The following SHISA6 variants were observed in gnomAD, a reference collection of about 807,000 sequenced individuals.
SHISA6 encodes shisa family member 6, also known as protein shisa-6.
SHISA6 carries 22 observed loss-of-function variants against 47.9 expected under a neutral mutation model. That is an observed-to-expected ratio of 0.46 (90% CI 0.33 to 0.66). The LOEUF is 0.66. Ranked by LOEUF, SHISA6 falls within the 30% of genes least tolerant of loss-of-function variation. The pLI is 0.02. For missense variants in SHISA6, 680 were observed against 764.6 expected, an observed-to-expected ratio of 0.89 and a Z score of 1.30; for synonymous variants, 388 against 337.8, an observed-to-expected ratio of 1.15 and a Z score of -1.63.
At chr17:11,515,602 G>A (rs1196493557) in intron 3 of SHISA6, among the ~76,000 whole-genome samples, 2 of 152,126 alleles carry the variant, frequency 1.3e-5, no homozygotes, top group Admixed American at 6.5e-5. Context: ...GTGATCCTAC[G>A]AAGAGCTCTG....
intron 2 of SHISA6, among the ~76,000 whole-genome samples, chr17:11,302,181 C>T (rs1296071264): frequency 6.6e-6 from 1 of 152,136 alleles, no homozygotes; most frequent in African/African-American, 2.4e-5. Context: ...GGTGGGGGCA[C>T]AGCCAAACCA....
chr17:11,483,695 C>G (rs1916275628), intron 3 of SHISA6, among the ~76,000 whole-genome samples: 1 of 152,114 alleles, frequency 6.6e-6, no homozygotes, highest in Non-Finnish European at 1.5e-5. Context: ...CATCAGAATA[C>G]TTCTGTAATA....
chr17:11,483,799 A>G (rs1473172), intron 3 of SHISA6, among the ~76,000 whole-genome samples: 1 of 151,954 alleles, frequency 6.6e-6, no homozygotes, highest in African/African-American at 2.4e-5. Context: ...CTATAAAAAA[A>G]TTAAAAATTT....
At chr17:11,496,477 C>T (rs539846056) in intron 3 of SHISA6, among the ~76,000 whole-genome samples, 48 of 152,236 alleles carry the variant, frequency 3.2e-4, no homozygotes, top group African/African-American at 1.1e-3. Context: ...CGGTGGCTCA[C>T]GCCTGTAATC....
intron 2 of SHISA6, among the ~76,000 whole-genome samples, chr17:11,371,468 CTG>C (rs1337646824): frequency 6.6e-6 from 1 of 152,102 alleles, no homozygotes; most frequent in Non-Finnish European, 1.5e-5. Flanking sequence ...AAGAGGAAAA[CTG>C]TGGTCTTAAT....
At chr17:11,300,852 TG>T (rs1211013047) in intron 2 of SHISA6, among the ~76,000 whole-genome samples, 1 of 151,978 alleles carries the variant, frequency 6.6e-6, no homozygotes, top group Non-Finnish European at 1.5e-5. Flanking sequence ...GTGGAGCACA[TG>T]GGGGAACACA....
chr17:11,301,765 A>G (rs1324129973), intron 2 of SHISA6, among the ~76,000 whole-genome samples: 7 of 152,184 alleles, frequency 4.6e-5, no homozygotes, highest in Admixed American at 4.6e-4. Flanking sequence ...GACTCCTTCA[A>G]GGAGAGATTT....
intron 3 of SHISA6, among the ~76,000 whole-genome samples, chr17:11,490,525 T>G (rs188319338): frequency 1.3e-5 from 2 of 152,032 alleles, no homozygotes; most frequent in Admixed American, 6.5e-5. Context: ...GATTTTAATG[T>G]GAGTCTAATT....
At chr17:11,409,455 G>C (rs1315134421) in intron 3 of SHISA6, among the ~76,000 whole-genome samples, 1 of 152,046 alleles carries the variant, frequency 6.6e-6, no homozygotes, top group Admixed American at 6.6e-5. Context: ...GGTGGCTCAC[G>C]CCTGTAATCC....
intron 1 of SHISA6, among the ~76,000 whole-genome samples, chr17:11,259,573 C>T (rs192066615): frequency 2.6e-5 from 4 of 152,186 alleles, no homozygotes; most frequent in East Asian, 1.9e-4. Flanking sequence ...GGTGGTAACA[C>T]GTTAAAATGT....
At chr17:11,495,256 CTT>C (rs1209064435) in intron 3 of SHISA6, among the ~76,000 whole-genome samples, 5 of 152,182 alleles carry the variant, frequency 3.3e-5, no homozygotes, top group Admixed American at 6.5e-5. Flanking sequence ...TGCTGTGTGA[CTT>C]TGGGCAAGCT....
intron 2 of SHISA6, among the ~76,000 whole-genome samples, chr17:11,331,651 G>T (rs1911118723): frequency 6.6e-6 from 1 of 151,848 alleles, no homozygotes; most frequent in Non-Finnish European, 1.5e-5. Context: ...CACTCCCTTT[G>T]CTCTCTCTCT....
At chr17:11,431,874 A>G (rs919355475) in intron 3 of SHISA6, among the ~76,000 whole-genome samples, 5 of 152,220 alleles carry the variant, frequency 3.3e-5, no homozygotes, top group African/African-American at 1.2e-4. Flanking sequence ...CTATGATAGC[A>G]CTTGAAGAAT....
chr17:11,496,429 G>A (rs1027350153), intron 3 of SHISA6, among the ~76,000 whole-genome samples: 2 of 152,322 alleles, frequency 1.3e-5, no homozygotes, highest in Non-Finnish European at 2.9e-5. Context: ...TGCCTACAAG[G>A]GCTAGGCATA....
At chr17:11,283,863 C>T (rs909568540) in intron 2 of SHISA6, among the ~76,000 whole-genome samples, 7 of 152,168 alleles carry the variant, frequency 4.6e-5, no homozygotes, top group African/African-American at 1.7e-4. Context: ...ATTAAGGAGG[C>T]ATATTGGAAA....
At chr17:11,412,501 A>G (rs1258741674) in intron 3 of SHISA6, among the ~76,000 whole-genome samples, 1 of 151,936 alleles carries the variant, frequency 6.6e-6, no homozygotes, top group East Asian at 1.9e-4. Context: ...ACATTTTTGC[A>G]TTCTTGAAAT....
intron 3 of SHISA6, among the ~76,000 whole-genome samples, chr17:11,527,760 C>T (rs2071698503): frequency 6.6e-6 from 1 of 152,150 alleles, no homozygotes; most frequent in Non-Finnish European, 1.5e-5. Flanking sequence ...ACAAGAGAGA[C>T]CGTACAGCCT....
intron 3 of SHISA6, among the ~76,000 whole-genome samples, chr17:11,405,715 C>T (rs144985454): frequency 5.3e-4 from 80 of 152,048 alleles, no homozygotes; most frequent in African/African-American, 1.7e-3. Flanking sequence ...GCAGGAGAAT[C>T]GCTTTAACTC....
intron 3 of SHISA6, among the ~76,000 whole-genome samples, chr17:11,472,545 A>G (rs998560446): frequency 6.6e-6 from 1 of 152,182 alleles, no homozygotes; most frequent in Non-Finnish European, 1.5e-5. Context: ...GTCTGGATGT[A>G]CCACAGTTTA....
Sources: gnomAD v4.1 joint callset for allele counts (sites outside exome capture counted in the v4.1 genomes callset) on GRCh38, gnomAD v4.1.1 for gene constraint, MANE v1.5 for transcripts, NCBI Gene and HGNC (gene_info 2026-07-23, HGNC 2026-07-21) for gene names.